Variants in ANO7 observed in about 807,000 individuals in gnomAD.
ANO7 encodes the protein anoctamin 7, also known as anoctamin-7.
ANO7 carries 114 observed loss-of-function variants against 115.8 expected under a neutral mutation model. The observed-to-expected ratio is 0.98, with a 90% CI of 0.85 to 1.15. The LOEUF (loss-of-function observed/expected upper bound fraction) is 1.15, where lower values mean the gene tolerates loss of function less well. ANO7 is among the 50% of genes most tolerant of loss of function. The pLI, the probability that ANO7 is intolerant of heterozygous loss-of-function variation, is 0.00. For missense variants in ANO7, 1,302 were observed against 1,201.2 expected (o/e 1.08, Z -1.24); for synonymous variants, 550 against 498.2 (o/e 1.10, Z -1.38).
intron 9 of ANO7, among the ~76,000 whole-genome samples, 187 bp from the exon 10 acceptor site, chr2:241,204,676 GCC>G (rs905285428): frequency 4.6e-5 from 7 of 152,130 alleles, no homozygotes; most frequent in Non-Finnish European, 1.0e-4. Context: ...TAGGGCAGAG[GCC>G]CAGGAGGGTG....
Position 241,199,352 on chromosome 2 carries a change from G to C in ANO7, c.346G>C (p.Ala116Pro), listed in dbSNP as rs141499501. Reference sequence around the variant, plus strand: ...GGACGGGAACACCACAGTGCACTACGCCCTCCTCAGCGCCTCCTGGGCTGT... The same window carrying C: ...GGACGGGAACACCACAGTGCACTACCCCCTCCTCAGCGCCTCCTGGGCTGT... The part of the protein sequence containing the change: ...VQDGNTTVHY[A>P]LLSASWAVLC... Residue 116 changes from alanine to proline, a missense_variant, in exon 5 of 25, where the codon GCC (alanine) becomes CCC (proline). Coordinates refer to ENST00000674324, the MANE Select transcript of ANO7 (RefSeq NM_001370694.2). 6.2e-7 allele frequency: 1 copy of C among 1,613,680 alleles called. No individual in the cohort carries two copies. Among genetic ancestry groups the C allele is most frequent in the East Asian group, 2.2e-5 (1 of 44,890 alleles).
chr2:241,229,547 T>C (rs565782985), downstream of ANO7: 11 of 1,290,892 alleles, frequency 8.5e-6, no homozygotes, highest in South Asian at 1.2e-4. Flanking sequence ...GACAAACCAT[T>C]GTGTGGTTGG....
Position 241,203,597 on chromosome 2 carries a change from G to T in ANO7, c.889+99G>T, listed in dbSNP as rs190698845. The T allele has an allele frequency of 2.0e-5, 18 of 905,500 alleles. No individual in the cohort carries two copies. Among genetic ancestry groups the T allele is most frequent in the East Asian group, 3.2e-5 (1 of 31,168 alleles). 56.1% of individuals were successfully genotyped at this position (905,500 alleles called of 1,614,324 possible). Reference sequence around the variant, plus strand: ...TCCGTACCCCTGGAGGGCAGCGTGCGTGGGGGCCTGGACGGTGGGCGCAGC... The same window carrying T: ...TCCGTACCCCTGGAGGGCAGCGTGCTTGGGGGCCTGGACGGTGGGCGCAGC... On this transcript the variant is annotated intron_variant, in intron 9 of 24. Coordinates refer to ENST00000674324, the MANE Select transcript of ANO7 (RefSeq NM_001370694.2). The surrounding 1 kb of genome is among the most constrained non-coding windows in gnomAD (Gnocchi z 4.8).
At chr2:241,226,193 T>C (rs1166709266), downstream of ANO7, among the ~76,000 whole-genome samples, 2 of 151,816 alleles carry the variant, frequency 1.3e-5, no homozygotes, top group African/African-American at 4.8e-5. Flanking sequence ...CCCTTTCCCA[T>C]CCAGAGTAGC....
chr2:241,216,707 G>A (rs933676784), intron 19 of ANO7, among the ~76,000 whole-genome samples: 5 of 152,242 alleles, frequency 3.3e-5, no homozygotes, highest in Admixed American at 6.5e-5. Context: ...AGTGCCAGGG[G>A]CTCACTGCCT....
rs771836279 is a variant in ANO7 at position 241,202,187 on chromosome 2, C to T, written c.613-7C>T. 4.3e-6 allele frequency: 7 copies of T among 1,612,644 alleles called. No homozygotes were observed. In the East Asian group the frequency reaches 1.3e-4, roughly 31 times the overall value. ...GTGACCTGCGCCATCCTCCACATCCCCTGCAGCTGTTTGAGATCCTGGCCA... is the reference window on the plus strand; with the variant it reads ...GTGACCTGCGCCATCCTCCACATCCTCTGCAGCTGTTTGAGATCCTGGCCA... On this transcript the variant is annotated splice_polypyrimidine_tract_variant and splice_region_variant and intron_variant, in intron 7 of 24. Coordinates refer to ENST00000674324, the MANE Select transcript of ANO7 (RefSeq NM_001370694.2).
At chr2:241,238,425 T>G in the ANO7 span, 1 of 375,902 alleles carries the variant, frequency 2.7e-6, no homozygotes, top group Non-Finnish European at 4.7e-6. The surrounding 1 kb of genome is among the most constrained non-coding windows in gnomAD (Gnocchi z 4.9). Context: ...CTACCTTGTG[T>G]GTCTCTAGGA....
At chr2:241,216,282 C>T in intron 19 of ANO7, 44 bp downstream of exon 19, 1 of 1,514,288 alleles carries the variant, frequency 6.6e-7, no homozygotes. Flanking sequence ...GCGCCGTGGG[C>T]AGGGATGGGT....
rs60240337 is a variant in ANO7 at position 241,201,330 on chromosome 2, T to A, written c.587T>A (p.Phe196Tyr). ...FLGSDNQDTF[F>Y]TSTKRHQILF... ...GGGAGTGACAACCAGGACACCTTCTTCACAAGCACCAAGAGGCACCAAATT... is the reference window on the plus strand; with the variant it reads ...GGGAGTGACAACCAGGACACCTTCTACACAAGCACCAAGAGGCACCAAATT... Residue 196 changes from phenylalanine to tyrosine, a missense_variant, in exon 7 of 25, where the codon TTC becomes TAC. Transcript: ENST00000674324. 7.5e-4 allele frequency: 1,207 copies of A among 1,613,182 alleles called. 28 individuals carry two copies. The East Asian group carries it at 0.026, about 35-fold the overall frequency.
rs150946357 is a variant in ANO7, at chr2:241,188,700, G to C, written c.-74G>C. Reference sequence around the variant, plus strand: ...GCAGTGAGGACGGGACTCTACTGCCGAGACCAGGCTCACGCTGAGAGGTGG... The same window carrying C: ...GCAGTGAGGACGGGACTCTACTGCCCAGACCAGGCTCACGCTGAGAGGTGG... On this transcript the variant is annotated 5_prime_UTR_variant, in exon 1 of 25. Coordinates refer to ENST00000674324, the MANE Select transcript of ANO7 (RefSeq NM_001370694.2). This position sits in a 1 kb window ranked among gnomAD's most constrained non-coding sequence, Gnocchi z 4.3. 3 of 1,613,450 alleles carry C rather than the reference G, an allele frequency of 1.9e-6. No individual in the cohort carries two copies. In the African/African-American group the frequency reaches 4.0e-5, roughly 22 times the overall value.
chr2:241,238,874 C>G, the ANO7 span: 1 of 1,093,136 alleles, frequency 9.1e-7, no homozygotes, highest in South Asian at 2.1e-5. This position sits in a 1 kb window ranked among gnomAD's most constrained non-coding sequence, Gnocchi z 4.9. Context: ...CACCACCTTC[C>G]TCCCTGTCCT....
chr2:241,239,543 G>A, the ANO7 span: 39 of 1,410,082 alleles, frequency 2.8e-5, no homozygotes, highest in Admixed American at 1.5e-4. The surrounding 1 kb of genome is among the most constrained non-coding windows in gnomAD (Gnocchi z 4.6). Context: ...ACTCATACAC[G>A]GCTTCGGTGA....
the ANO7 span, among the ~76,000 whole-genome samples, chr2:241,232,427 G>A: frequency 5.3e-5 from 8 of 151,970 alleles, no homozygotes; most frequent in South Asian, 4.1e-4. Flanking sequence ...AGGTGCACGC[G>A]ACCACGCCTG....
intron 7 of ANO7, 61 bp downstream of exon 7, chr2:241,201,416 G>A (rs530724261): frequency 1.9e-6 from 3 of 1,558,676 alleles, no homozygotes; most frequent in South Asian, 2.3e-5. Flanking sequence ...GATCCTGCCA[G>A]CCCCCAGCCT....
chr2:241,229,783 T>TTGGGG, downstream of ANO7: 3 of 1,524,630 alleles, frequency 2.0e-6, no homozygotes, highest in Non-Finnish European at 2.7e-6. Flanking sequence ...CAAGCCCGCC[T>TTGGGG]GCCCGCCCAC....
intron 6 of ANO7, 126 bp from the exon 7 acceptor site, chr2:241,201,172 C>T (rs1387753503): frequency 6.3e-6 from 7 of 1,102,684 alleles, no homozygotes; most frequent in Admixed American, 5.7e-5. Flanking sequence ...CTTCTGCGTG[C>T]GCGCCAGCAC....
At chr2:241,222,232 T>TAATAAATA (rs1306016615) in intron 21 of ANO7, among the ~76,000 whole-genome samples, 1 of 110,158 alleles carries the variant, frequency 9.1e-6, no homozygotes, top group Admixed American at 1.1e-4. Context: ...AGACTCTGTC[T>TAATAAATA]CATAAATAAA....
Position 241,224,595 on chromosome 2 carries a change from C to T in ANO7, c.*442C>T, listed in dbSNP as rs991877225. On this transcript the variant is annotated 3_prime_UTR_variant, in exon 25 of 25. Transcript: ENST00000674324. ...CCGTTCTCCCTCGTGTCCTCTGGACCCACCCGCCCCTTCCTGCCCTGTTTG... is the reference window on the plus strand; with the variant it reads ...CCGTTCTCCCTCGTGTCCTCTGGACTCACCCGCCCCTTCCTGCCCTGTTTG... 1 of 179,614 alleles carries T rather than the reference C, an allele frequency of 5.6e-6. No homozygotes were observed. The highest frequency in any genetic ancestry group is 5.4e-5 in the Admixed American group (1 of 18,354). The allele number at this position is 179,614 out of a possible 1,614,324, so 11.1% of individuals were successfully genotyped here.
chr2:241,222,021 T>C (rs1023766404), intron 21 of ANO7, among the ~76,000 whole-genome samples: 1 of 151,738 alleles, frequency 6.6e-6, no homozygotes, highest in African/African-American at 2.4e-5. Context: ...GATCACAAAG[T>C]CAGAAGATTG....
Sources: gnomAD v4.1 joint callset for allele counts (sites outside exome capture counted in the v4.1 genomes callset) on GRCh38, gnomAD v4.1.1 for gene constraint, Gnocchi (gnomAD v3.1) non-coding constraint, MANE v1.5 for transcripts, NCBI Gene and HGNC (gene_info 2026-07-23, HGNC 2026-07-21) for gene names.